LARGE1: variants seen among roughly 807,000 people sequenced by gnomAD.
LARGE1 encodes the protein xylosyl- and glucuronyltransferase LARGE1.
In LARGE1, 43 loss-of-function variants were observed where a neutral mutation model predicts 87.6. The observed-to-expected ratio is 0.49, with a 90% CI of 0.38 to 0.63. The LOEUF (loss-of-function observed/expected upper bound fraction) is 0.63. Ranked by LOEUF, LARGE1 falls within the 30% of genes least tolerant of loss-of-function variation. The pLI is 0.00. For synonymous variants in LARGE1, 434 were observed against 394.6 expected, an observed-to-expected ratio of 1.10 and a Z score of -1.18; for missense variants, 802 against 1,000.2, an observed-to-expected ratio of 0.80 and a Z score of 2.67.
intron 4 of LARGE1, among the ~76,000 whole-genome samples, chr22:33,608,085 C>T (rs2051567): frequency 0.26 from 38,881 of 152,058 alleles, 5,256 homozygotes; most frequent in South Asian, 0.31. Flanking sequence ...GGGAGACAGA[C>T]GGTCCATTTG....
chr22:33,236,727 T>G (rs1367865425), intron 11 of LARGE1, among the ~76,000 whole-genome samples: 1 of 152,150 alleles, frequency 6.6e-6, no homozygotes, highest in Admixed American at 6.5e-5. Flanking sequence ...GCTGCTCCTC[T>G]CCATGCTCCT....
chr22:33,580,840 C>T (rs752256458), intron 5 of LARGE1, among the ~76,000 whole-genome samples: 3 of 152,132 alleles, frequency 2.0e-5, no homozygotes, highest in Non-Finnish European at 4.4e-5. Flanking sequence ...GATTTAAAAC[C>T]CACTGGGGTT....
At chr22:33,194,502 G>A (rs1000440349) in intron 11 of LARGE1, among the ~76,000 whole-genome samples, 1 of 152,012 alleles carries the variant, frequency 6.6e-6, no homozygotes, top group Non-Finnish European at 1.5e-5. Context: ...ATTAAATTTT[G>A]GATTTTAGTC....
At chr22:33,669,306 T>G (rs1569357261) in intron 2 of LARGE1, among the ~76,000 whole-genome samples, 1 of 152,212 alleles carries the variant, frequency 6.6e-6, no homozygotes, top group Non-Finnish European at 1.5e-5. Context: ...GATGTTCTCC[T>G]TAAGTGGAGA....
intron 6 of LARGE1, among the ~76,000 whole-genome samples, chr22:33,522,099 C>T (rs1315492671): frequency 1.3e-5 from 2 of 152,180 alleles, no homozygotes; most frequent in Non-Finnish European, 2.9e-5. Context: ...GGGATCCGCT[C>T]CCTTGACCCA....
Position 33,772,742 on chromosome 22 carries a change from G to A in LARGE1, c.-82-11184C>T, listed in dbSNP as rs114944641. Among the ~76,000 whole-genome samples, 801 of 152,102 alleles carry A rather than the reference G, an allele frequency of 5.3e-3. 6 individuals are homozygous for A. The highest frequency in any genetic ancestry group is 0.018 in the African/African-American group (759 of 41,486). On this transcript the variant is annotated intron_variant, in intron 1 of 14. Transcript: ENST00000397394. ...TATTTGATTGATTACTTGCTTAATC[G>A]CTGCTGCGCCCACTAGATTTTAATC...
Position 33,496,638 on chromosome 22 carries a change from C to T in LARGE1, c.788-64373G>A, listed in dbSNP as rs149411571. On this transcript the variant is annotated intron_variant, in intron 6 of 14. Transcript: ENST00000397394. The stretch of plus-strand genomic sequence containing the variant: ...TATGTTGTTAGCAGCCTGAATGGAC[C>T]ACGACAGGACTAAAGAAACACTCTT... Among the ~76,000 whole-genome samples, 572 of 152,244 alleles carry T rather than the reference C, an allele frequency of 3.8e-3. 5 individuals carry two copies. The highest frequency in any genetic ancestry group is 0.023 in the South Asian group (111 of 4,810).
intron 7 of LARGE1, among the ~76,000 whole-genome samples, chr22:33,410,371 C>T (rs1015839327): frequency 3.3e-5 from 5 of 152,046 alleles, no homozygotes; most frequent in Admixed American, 6.6e-5. Flanking sequence ...TTGTAATCCC[C>T]ATAATCCCCA....
intron 2 of LARGE1, among the ~76,000 whole-genome samples, chr22:33,689,039 C>T (rs2082021602): frequency 6.6e-6 from 1 of 152,124 alleles, no homozygotes; most frequent in Non-Finnish European, 1.5e-5. Context: ...TGGTTTAGCG[C>T]TTCAGGCCAG....
chr22:33,699,669 AGG>A (rs1370436669), intron 2 of LARGE1, among the ~76,000 whole-genome samples: 11 of 152,228 alleles, frequency 7.2e-5, no homozygotes, highest in African/African-American at 2.2e-4. Context: ...CTTTATGTGT[AGG>A]CATAGCAATA....
At chr22:33,679,692 A>G (rs2081691370) in intron 2 of LARGE1, among the ~76,000 whole-genome samples, 1 of 152,130 alleles carries the variant, frequency 6.6e-6, no homozygotes, top group Non-Finnish European at 1.5e-5. Context: ...AAGTACAAAA[A>G]TTAGCCAGGT....
chr22:33,765,010 T>C (rs1256479983), intron 1 of LARGE1, among the ~76,000 whole-genome samples: 1 of 152,202 alleles, frequency 6.6e-6, no homozygotes, highest in East Asian at 1.9e-4. Context: ...GTTTTCACAG[T>C]TTACTTACAG....
At chr22:33,816,484 G>C (rs2086650074) in intron 1 of LARGE1, among the ~76,000 whole-genome samples, 1 of 152,034 alleles carries the variant, frequency 6.6e-6, no homozygotes, top group Non-Finnish European at 1.5e-5. Context: ...CTATTTTTAA[G>C]GGCACTAATC....
chr22:33,294,318 C>T (rs5994712), intron 12 of LARGE1, among the ~76,000 whole-genome samples: 7,078 of 152,258 alleles, frequency 0.046, 538 homozygotes, highest in African/African-American at 0.16. Flanking sequence ...TGTCAGCTCT[C>T]GGAGCCCTGG....
intron 2 of LARGE1, among the ~76,000 whole-genome samples, chr22:33,667,891 C>T (rs2081311185): frequency 6.6e-6 from 1 of 152,206 alleles, no homozygotes; most frequent in African/African-American, 2.4e-5. Flanking sequence ...TCACAGACAT[C>T]GCCACACACT....
At chr22:33,087,750 C>T in the LARGE1 span, among the ~76,000 whole-genome samples, 1 of 152,114 alleles carries the variant, frequency 6.6e-6, no homozygotes, top group African/African-American at 2.4e-5. Context: ...GCCTGGTCAG[C>T]AGGGCGAAAC....
chr22:33,356,725 A>G (rs1312653098), intron 9 of LARGE1, among the ~76,000 whole-genome samples: 1 of 152,194 alleles, frequency 6.6e-6, no homozygotes, highest in East Asian at 1.9e-4. Context: ...AGCGGGGATC[A>G]TGCCATTGCA....
intron 6 of LARGE1, among the ~76,000 whole-genome samples, chr22:33,549,528 T>C (rs1343778289): frequency 1.3e-5 from 2 of 152,200 alleles, no homozygotes; most frequent in African/African-American, 4.8e-5. Context: ...TGTATCCTTC[T>C]AGATCCAGGG....
chr22:33,425,543 A>C (rs1268484004), intron 7 of LARGE1, among the ~76,000 whole-genome samples: 2 of 152,190 alleles, frequency 1.3e-5, no homozygotes, highest in Non-Finnish European at 2.9e-5. Flanking sequence ...CTACAGTACA[A>C]AAGAAAGTAG....
Sources: allele counts gnomAD v4.1 joint callset (sites outside exome capture counted in the v4.1 genomes callset), GRCh38; gene constraint gnomAD v4.1.1; transcripts MANE v1.5; gene names NCBI Gene and HGNC (gene_info 2026-07-23, HGNC 2026-07-21).